The following UNC5D variants were observed in gnomAD, a reference collection of about 807,000 sequenced individuals.
The protein encoded by UNC5D is netrin receptor UNC5D.
Under a neutral mutation model 105.4 loss-of-function variants are expected in UNC5D, and 39 were observed. The ratio of observed to expected loss-of-function variants is 0.37; its 90% CI spans 0.29 to 0.48. The LOEUF (loss-of-function observed/expected upper bound fraction) is 0.48. UNC5D is among the 20% of genes least tolerant of loss of function. The pLI, the probability that UNC5D is intolerant of heterozygous loss-of-function variation, is 0.98. For synonymous variants in UNC5D, 452 were observed against 450.4 expected (o/e 1.00, Z -0.04); for missense variants, 991 against 1,202.4 (o/e 0.82, Z 2.60).
intron 1 of UNC5D, among the ~76,000 whole-genome samples, chr8:35,415,676 G>C (rs56031800): frequency 0.15 from 23,319 of 152,030 alleles, 2,106 homozygotes; most frequent in Non-Finnish European, 0.21. Context: ...CTAGTCACCA[G>C]CTGTTCCCAC....
chr8:35,247,621 A>G (rs1219652152), intron 1 of UNC5D, among the ~76,000 whole-genome samples: 2 of 87,320 alleles, frequency 2.3e-5, no homozygotes, highest in Non-Finnish European at 4.0e-5. Flanking sequence ...TATTATATAT[A>G]AAATATATAT....
rs187020274 is a variant in UNC5D, at chr8:35,764,132, G to A, written c.2314-2770G>A. On this transcript the variant is annotated intron_variant, in intron 14 of 16. Coordinates refer to ENST00000404895, the MANE Select transcript of UNC5D (RefSeq NM_080872.4). The stretch of plus-strand genomic sequence containing the variant: ...GACTGGGAGTAGGTGACCAGAGTTA[G>A]CCATAATGGAAGCATAATGGAAACC... Among the ~76,000 whole-genome samples, 492 of 152,266 alleles carry A rather than the reference G, an allele frequency of 3.2e-3. 3 individuals are homozygous for A. Among genetic ancestry groups the A allele is most frequent in the Non-Finnish European group, 2.2e-3 (148 of 68,030 alleles).
At chr8:35,455,678 AC>A (rs1190555154) in intron 1 of UNC5D, among the ~76,000 whole-genome samples, 3 of 151,822 alleles carry the variant, frequency 2.0e-5, no homozygotes, top group African/African-American at 7.3e-5. Context: ...AAAAAAAAAA[AC>A]AAAAAAAAAC....
intron 1 of UNC5D, among the ~76,000 whole-genome samples, chr8:35,287,565 C>T (rs1247532996): frequency 6.6e-6 from 1 of 151,652 alleles, no homozygotes; most frequent in Non-Finnish European, 1.5e-5. Flanking sequence ...GGGGCTGAGG[C>T]GGCTAATCAT....
At chr8:35,427,651 A>G (rs1460965442) in intron 1 of UNC5D, among the ~76,000 whole-genome samples, 1 of 152,190 alleles carries the variant, frequency 6.6e-6, no homozygotes, top group Non-Finnish European at 1.5e-5. Context: ...TTCAGTTCGG[A>G]TCTTTCCTGT....
intron 1 of UNC5D, among the ~76,000 whole-genome samples, chr8:35,488,743 T>C (rs568048461): frequency 6.6e-6 from 1 of 152,306 alleles, no homozygotes; most frequent in South Asian, 2.1e-4. Flanking sequence ...CTTATGCATA[T>C]CCTACCATTA....
intron 3 of UNC5D, among the ~76,000 whole-genome samples, chr8:35,582,567 G>A (rs1024582772): frequency 1.3e-5 from 2 of 152,144 alleles, no homozygotes; most frequent in South Asian, 2.1e-4. Flanking sequence ...GGCATATCCA[G>A]TGTTTACATG....
chr8:35,540,126 C>T (rs187080628), intron 1 of UNC5D, among the ~76,000 whole-genome samples: 123 of 152,252 alleles, frequency 8.1e-4, no homozygotes, highest in Middle Eastern at 3.4e-3. Flanking sequence ...TCCCAAATCC[C>T]ACTAGGTTTT....
chr8:35,689,605 G>A (rs1195992013), intron 7 of UNC5D, among the ~76,000 whole-genome samples: 1 of 152,240 alleles, frequency 6.6e-6, no homozygotes, highest in Non-Finnish European at 1.5e-5. Flanking sequence ...ATGGAACCAG[G>A]AACATCTGAT....
At chr8:35,463,874 T>C (rs1054381382) in intron 1 of UNC5D, among the ~76,000 whole-genome samples, 1 of 152,056 alleles carries the variant, frequency 6.6e-6, no homozygotes, top group Non-Finnish European at 1.5e-5. Context: ...CTGGATATTA[T>C]ATATACTCTG....
chr8:35,692,091 C>A (rs1826443898), intron 7 of UNC5D, among the ~76,000 whole-genome samples: 1 of 152,166 alleles, frequency 6.6e-6, no homozygotes, highest in Non-Finnish European at 1.5e-5. Context: ...TCAACATTGA[C>A]AGTTCAAAAA....
intron 1 of UNC5D, among the ~76,000 whole-genome samples, chr8:35,306,232 C>T (rs1009125607): frequency 5.9e-5 from 9 of 151,264 alleles, no homozygotes; most frequent in African/African-American, 1.5e-4. Flanking sequence ...TGTGTGTGCG[C>T]GTGTGTGTGT....
intron 1 of UNC5D, among the ~76,000 whole-genome samples, chr8:35,306,152 G>T (rs1045154741): frequency 1.3e-5 from 2 of 151,760 alleles, no homozygotes; most frequent in Non-Finnish European, 2.9e-5. Context: ...CTATACAGAA[G>T]ACTGAATAAA....
intron 4 of UNC5D, among the ~76,000 whole-genome samples, chr8:35,614,950 C>T (rs1820921725): frequency 6.6e-6 from 1 of 151,418 alleles, no homozygotes; most frequent in South Asian, 2.1e-4. Context: ...TGGCTCACAC[C>T]TGTAATCCCA....
At chr8:35,409,389 G>A (rs375319721) in intron 1 of UNC5D, among the ~76,000 whole-genome samples, 1 of 150,756 alleles carries the variant, frequency 6.6e-6, no homozygotes, top group East Asian at 1.9e-4. Flanking sequence ...CCACAGCCTT[G>A]GTGTTGTCAG....
chr8:35,265,221 C>T (rs189931218), intron 1 of UNC5D, among the ~76,000 whole-genome samples: 1 of 152,202 alleles, frequency 6.6e-6, no homozygotes, highest in Admixed American at 6.5e-5. Context: ...TAGTCTGATG[C>T]TATTACTTAA....
chr8:35,402,012 A>G (rs914921161), intron 1 of UNC5D, among the ~76,000 whole-genome samples: 3 of 152,162 alleles, frequency 2.0e-5, no homozygotes, highest in Non-Finnish European at 4.4e-5. Flanking sequence ...CATACCTGCG[A>G]ACACTCTGAT....
intron 1 of UNC5D, among the ~76,000 whole-genome samples, chr8:35,434,755 C>A (rs960545024): frequency 6.6e-6 from 1 of 151,900 alleles, no homozygotes; most frequent in African/African-American, 2.4e-5. Flanking sequence ...AAGTTAGGAG[C>A]GTGAAAACTT....
chr8:35,489,665 A>G (rs1437332981), intron 1 of UNC5D, among the ~76,000 whole-genome samples: 1 of 152,210 alleles, frequency 6.6e-6, no homozygotes, highest in Admixed American at 6.5e-5. Flanking sequence ...AGTCTGTGGT[A>G]TCATGTTATG....
Sources: gnomAD v4.1 joint callset for allele counts (sites outside exome capture counted in the v4.1 genomes callset) on GRCh38, gnomAD v4.1.1 for gene constraint, MANE v1.5 for transcripts, NCBI Gene and HGNC (gene_info 2026-07-23, HGNC 2026-07-21) for gene names.